The following GABPB1 variants were observed in gnomAD, a reference collection of about 807,000 sequenced individuals.
GABPB1 encodes the protein GA-binding protein subunit beta-1.
In GABPB1, 15 loss-of-function variants were observed where a neutral mutation model predicts 45.9. The ratio of observed to expected loss-of-function variants is 0.33; its 90% CI spans 0.22 to 0.50. The LOEUF (loss-of-function observed/expected upper bound fraction) is 0.50, where lower values mean the gene tolerates loss of function less well. Ranked by LOEUF, GABPB1 falls within the 20% of genes least tolerant of loss-of-function variation. The pLI is 0.98. For synonymous variants in GABPB1, 143 were observed against 154.4 expected (o/e 0.93, Z 0.55); for missense variants, 252 against 457.5 (o/e 0.55, Z 4.10).
At chr15:50,352,113 G>A (rs760835379) in intron 1 of GABPB1, 1 of 151,988 alleles carries the variant, frequency 6.6e-6, no homozygotes, top group South Asian at 2.1e-4. Context: ...ACAGAGACTG[G>A]GTAACTGCCT....
At chr15:50,346,290 G>A (rs2048576027) in intron 1 of GABPB1, 2 of 152,124 alleles carry the variant, frequency 1.3e-5, no homozygotes, top group African/African-American at 2.4e-5. Flanking sequence ...TTAATAAGAT[G>A]ATTGCCAAGA....
intron 8 of GABPB1, among the ~76,000 whole-genome samples, chr15:50,283,383 T>A (rs951826000): frequency 6.6e-6 from 1 of 152,150 alleles, no homozygotes; most frequent in Non-Finnish European, 1.5e-5. Context: ...TTTCCTATAT[T>A]GCCATATGCA....
intron 1 of GABPB1, among the ~76,000 whole-genome samples, chr15:50,340,890 A>G (rs968432425): frequency 8.7e-6 from 1 of 114,404 alleles, no homozygotes; most frequent in Non-Finnish European, 1.8e-5. Flanking sequence ...AATATTACAT[A>G]TTACATATGG....
intron 8 of GABPB1, among the ~76,000 whole-genome samples, chr15:50,280,465 C>T (rs1367607098): frequency 1.3e-5 from 2 of 152,192 alleles, no homozygotes; most frequent in East Asian, 1.9e-4. Context: ...TAAAATTTTA[C>T]GTGTGGCTGG....
At chr15:50,285,658 A>C (rs775619207) in intron 8 of GABPB1, among the ~76,000 whole-genome samples, 1 of 152,108 alleles carries the variant, frequency 6.6e-6, no homozygotes, top group Non-Finnish European at 1.5e-5. Context: ...TTTGACAAAC[A>C]TCAACCTCCT....
intron 2 of GABPB1, among the ~76,000 whole-genome samples, chr15:50,305,866 C>T (rs1320653347): frequency 6.6e-6 from 1 of 152,142 alleles, no homozygotes; most frequent in Non-Finnish European, 1.5e-5. Context: ...ACTGTACCTT[C>T]AAACTTCTGA....
At chr15:50,316,049 C>T (rs1320975150) in intron 1 of GABPB1, among the ~76,000 whole-genome samples, 1 of 151,342 alleles carries the variant, frequency 6.6e-6, no homozygotes, top group East Asian at 1.9e-4. Context: ...GGCAACAGAG[C>T]AAGACTGTCT....
intron 6 of GABPB1, among the ~76,000 whole-genome samples, chr15:50,295,416 T>C (rs1376833849): frequency 6.6e-6 from 1 of 152,164 alleles, no homozygotes; most frequent in Non-Finnish European, 1.5e-5. Context: ...CTTGCTAAAA[T>C]GTTCTTCCCC....
intron 1 of GABPB1, among the ~76,000 whole-genome samples, chr15:50,340,982 A>T (rs189406848): frequency 0.033 from 3,920 of 119,328 alleles, 572 homozygotes; most frequent in African/African-American, 0.12. Context: ...GTTTATTACC[A>T]TATGTAATAT....
At chr15:50,341,071 A>T (rs2048359607) in intron 1 of GABPB1, among the ~76,000 whole-genome samples, 1 of 151,498 alleles carries the variant, frequency 6.6e-6, no homozygotes, top group South Asian at 2.1e-4. Flanking sequence ...ATTTGTATAT[A>T]TTTTTTTCTT....
At chr15:50,317,507 T>C (rs2047381616) in intron 1 of GABPB1, among the ~76,000 whole-genome samples, 1 of 151,934 alleles carries the variant, frequency 6.6e-6, no homozygotes, top group South Asian at 2.1e-4. Context: ...TAAGTTTTAA[T>C]TTTTTTATAG....
chr15:50,303,864 T>C, intron 3 of GABPB1, 102 bp downstream of exon 3: 1 of 840,574 alleles, frequency 1.2e-6, no homozygotes. Flanking sequence ...TGAAATACTA[T>C]AGATAAAATA....
chr15:50,321,305 G>A (rs757065212), intron 1 of GABPB1, among the ~76,000 whole-genome samples: 1 of 152,088 alleles, frequency 6.6e-6, no homozygotes, highest in Non-Finnish European at 1.5e-5. Flanking sequence ...AAGAATAACT[G>A]CTTCTCCATA....
chr15:50,303,028 G>A lies in GABPB1; in HGVS notation c.372C>T (p.Ile124=), dbSNP rs750854083. The A allele has an allele frequency of 6.2e-7, 1 of 1,613,674 alleles. No individual in the cohort carries two copies. The change falls in exon 4 of 9, where the codon ATC becomes ATT. Residue 124 remains isoleucine, a synonymous_variant. Transcript: ENST00000380877. ...HNHQEVVELL[I]KYGADVHTQS... ...GCGTGTGTACATCAGCACCATATTT[G>A]ATTAAAAGTTCCACCACCTCTTGAT...
intron 8 of GABPB1, among the ~76,000 whole-genome samples, chr15:50,280,578 C>T (rs1013933200): frequency 6.6e-6 from 1 of 151,780 alleles, no homozygotes. Context: ...TGGCAAAACC[C>T]CTACAAAAAA....
chr15:50,311,419 G>A (rs2047127743), intron 1 of GABPB1, among the ~76,000 whole-genome samples: 1 of 152,248 alleles, frequency 6.6e-6, no homozygotes, highest in East Asian at 1.9e-4. Flanking sequence ...GTAGTCAAGA[G>A]AAAATAAATT....
chr15:50,302,938 C>T lies in GABPB1; in HGVS notation c.462G>A (p.Glu154=). 1 of 1,609,678 alleles carries T rather than the reference C, an allele frequency of 6.2e-7. No homozygotes were observed. The highest frequency in any genetic ancestry group is 8.5e-7 in the Non-Finnish European group (1 of 1,177,580). The stretch of plus-strand genomic sequence containing the variant: ...AAAAGCCAAAAGTTACCTGTAATAT[C>T]TCTGCTAAATCTTCATTTCCATTGT... ...SIDNGNEDLA[E]ILQIAMQNQI... is the part of the protein sequence containing the mutation. The change falls in exon 4 of 9, where the codon GAG becomes GAA. Residue 154 remains glutamate, a synonymous_variant. Coordinates refer to ENST00000380877, the MANE Select transcript of GABPB1 (RefSeq NM_016654.5).
intron 1 of GABPB1, among the ~76,000 whole-genome samples, chr15:50,320,416 C>A (rs1039876700): frequency 2.6e-5 from 4 of 152,206 alleles, no homozygotes; most frequent in Non-Finnish European, 5.9e-5. Context: ...GATCCACCTG[C>A]CTTGGCCTCC....
chr15:50,281,195 A>G (rs2045958586), intron 8 of GABPB1, among the ~76,000 whole-genome samples: 1 of 152,168 alleles, frequency 6.6e-6, no homozygotes, highest in Non-Finnish European at 1.5e-5. Context: ...TTAAGATTGA[A>G]AGTATAATTA....
Sources: allele counts gnomAD v4.1 joint callset (sites outside exome capture counted in the v4.1 genomes callset), GRCh38; gene constraint gnomAD v4.1.1; transcripts MANE v1.5; gene names NCBI Gene and HGNC (gene_info 2026-07-23, HGNC 2026-07-21).